Variants in ASTN1 observed in about 807,000 individuals in gnomAD.
ASTN1 encodes the protein astrotactin 1, also known as astrotactin-1.
A neutral mutation model predicts 140.7 loss-of-function variants in ASTN1; 41 were observed. That is an observed-to-expected ratio of 0.29 (90% confidence interval 0.23 to 0.38). ASTN1 has a LOEUF of 0.38. ASTN1 is among the 10% of genes least tolerant of loss of function. ASTN1 has a pLI of 1.00. For synonymous variants in ASTN1, 640 were observed against 652.2 expected (o/e 0.98, Z 0.29); for missense variants, 1,479 against 1,678.8 (o/e 0.88, Z 2.08).
intron 1 of ASTN1, among the ~76,000 whole-genome samples, chr1:177,162,010 C>A (rs983512528): frequency 3.4e-4 from 52 of 152,052 alleles, no homozygotes; most frequent in African/African-American, 1.2e-3. Context: ...GAGTGCTGAG[C>A]AGGTACAACT....
intron 8 of ASTN1, among the ~76,000 whole-genome samples, chr1:176,977,834 T>A (rs1673430835): frequency 6.6e-6 from 1 of 152,196 alleles, no homozygotes; most frequent in South Asian, 2.1e-4. Flanking sequence ...CAAAGACGTC[T>A]GTGAGTTATC....
At chr1:176,890,970 T>A (rs1669234462) in intron 17 of ASTN1, among the ~76,000 whole-genome samples, 1 of 151,896 alleles carries the variant, frequency 6.6e-6, no homozygotes, top group African/African-American at 2.4e-5. Context: ...GAGGTTGCAG[T>A]GAGCTGAGAT....
At chr1:177,026,473 C>T (rs994839002) in intron 5 of ASTN1, among the ~76,000 whole-genome samples, 2 of 152,182 alleles carry the variant, frequency 1.3e-5, no homozygotes, top group East Asian at 1.9e-4. Flanking sequence ...GCCACACCCC[C>T]ACCCTGCCCT....
intron 8 of ASTN1, among the ~76,000 whole-genome samples, chr1:176,994,585 C>T (rs1233182424): frequency 2.6e-5 from 4 of 152,090 alleles, no homozygotes; most frequent in Non-Finnish European, 5.9e-5. Flanking sequence ...TCAAGTGATT[C>T]GCCTGCCTTG....
At chr1:177,158,909 A>C (rs1184493889) in intron 1 of ASTN1, among the ~76,000 whole-genome samples, 1 of 150,462 alleles carries the variant, frequency 6.6e-6, no homozygotes, top group Non-Finnish European at 1.5e-5. Context: ...AATACAAAAA[A>C]AAAAAAAAAT....
intron 1 of ASTN1, among the ~76,000 whole-genome samples, chr1:177,117,554 C>T (rs375423592): frequency 4.6e-5 from 7 of 152,264 alleles, no homozygotes; most frequent in South Asian, 2.1e-4. Context: ...AAACAGTGAA[C>T]GATAAACATA....
chr1:177,060,727 C>G (rs931485838), intron 2 of ASTN1, among the ~76,000 whole-genome samples: 1 of 152,140 alleles, frequency 6.6e-6, no homozygotes, highest in Non-Finnish European at 1.5e-5. Context: ...TCTTGAACTC[C>G]TGGCCTCAAG....
chr1:176,997,687 C>A (rs1349393049), intron 8 of ASTN1, among the ~76,000 whole-genome samples: 1 of 152,030 alleles, frequency 6.6e-6, no homozygotes, highest in African/African-American at 2.4e-5. Context: ...CAAAAATAAG[C>A]CCTTGCTCCA....
At chr1:176,945,070 G>A (rs1486591079) in intron 13 of ASTN1, among the ~76,000 whole-genome samples, 1 of 151,968 alleles carries the variant, frequency 6.6e-6, no homozygotes, top group African/African-American at 2.4e-5. Flanking sequence ...TCATCTCCCA[G>A]AAAATATTTT....
At chr1:177,128,960 A>T (rs530271622) in intron 1 of ASTN1, among the ~76,000 whole-genome samples, 1 of 152,346 alleles carries the variant, frequency 6.6e-6, no homozygotes, top group East Asian at 1.9e-4. Flanking sequence ...CAAAGAGGGA[A>T]GTAGCCTGTG....
chr1:176,957,491 C>G (rs766246098), intron 11 of ASTN1, among the ~76,000 whole-genome samples, 187 bp downstream of exon 11: 13 of 152,208 alleles, frequency 8.5e-5, no homozygotes, highest in Non-Finnish European at 1.5e-4. Flanking sequence ...TCCATAACAA[C>G]TTCTCGACTA....
chr1:176,963,584 C>A (rs1672756923), intron 9 of ASTN1, among the ~76,000 whole-genome samples: 1 of 152,196 alleles, frequency 6.6e-6, no homozygotes, highest in Admixed American at 6.5e-5. Context: ...TGGCAGCCAG[C>A]AACTTTGAAA....
intron 1 of ASTN1, among the ~76,000 whole-genome samples, chr1:177,150,477 A>G (rs934284948): frequency 1.3e-5 from 2 of 152,186 alleles, no homozygotes; most frequent in Non-Finnish European, 1.5e-5. Context: ...GAGGATTCTA[A>G]TAAAAAGGTA....
intron 1 of ASTN1, among the ~76,000 whole-genome samples, chr1:177,078,383 A>G (rs1679022072): frequency 6.6e-6 from 1 of 152,124 alleles, no homozygotes; most frequent in South Asian, 2.1e-4. Context: ...CCTGTAAGCA[A>G]CAGTGCTCAC....
At position 177,024,599 on chromosome 1, in the gene ASTN1, C is replaced by T. The variant is rs1676006814; in HGVS notation, c.1254G>A (p.Glu418=). Residue 418 remains glutamate (E), a synonymous_variant, in exon 6 of 23, where the codon GAG becomes GAA. Transcript: ENST00000361833. ...LVVKITLHVP[E]HLIADGSRFI... is the part of the protein sequence containing the mutation. ...CAGGCTCACCATCAGCAATCAGGTG[C>T]TCAGGGACATGCAGGGTGATCTTGA... 2 of 1,613,904 alleles carry T rather than the reference C, an allele frequency of 1.2e-6. No individual in the cohort carries two copies. Among genetic ancestry groups the T allele is most frequent in the Non-Finnish European group, 8.5e-7 (1 of 1,180,000 alleles).
Position 176,926,529 on chromosome 1 carries a change from T to G in ASTN1, c.2671+7623A>C, listed in dbSNP as rs548439013. On this transcript the variant is annotated intron_variant, in intron 16 of 22. Coordinates refer to ENST00000361833, the MANE Select transcript of ASTN1 (RefSeq NM_004319.3). ...TTCATCAGGCCTGTCTGCCTGTGAA[T>G]GTTGTGGAACAGCTGCCTTCTCTAA... Among the ~76,000 whole-genome samples the G allele has an allele frequency of 2.3e-4, 35 of 152,334 alleles. No homozygotes were observed. In the East Asian group the frequency reaches 6.6e-3, roughly 29 times the overall value.
intron 8 of ASTN1, among the ~76,000 whole-genome samples, chr1:176,971,743 G>A (rs1027531916): frequency 7.9e-5 from 12 of 152,102 alleles, no homozygotes; most frequent in Non-Finnish European, 1.2e-4. Flanking sequence ...CCCACAGTGC[G>A]CACAGTAGTA....
chr1:177,070,484 G>A (rs1678584395), intron 1 of ASTN1, among the ~76,000 whole-genome samples: 1 of 152,140 alleles, frequency 6.6e-6, no homozygotes, highest in Non-Finnish European at 1.5e-5. Context: ...ATAGCCTGTT[G>A]CCTGTCCTAA....
chr1:176,992,330 T>C (rs1674220667), intron 8 of ASTN1, among the ~76,000 whole-genome samples: 2 of 152,304 alleles, frequency 1.3e-5, no homozygotes, highest in South Asian at 2.1e-4. Context: ...TGGATTCATT[T>C]ACTTCTCCAC....
Sources: gnomAD v4.1 joint callset for allele counts (sites outside exome capture counted in the v4.1 genomes callset) on GRCh38, gnomAD v4.1.1 for gene constraint, MANE v1.5 for transcripts, NCBI Gene and HGNC (gene_info 2026-07-23, HGNC 2026-07-21) for gene names.